NDST3: variants seen among roughly 807,000 people sequenced by gnomAD.
The protein encoded by NDST3 is N-deacetylase and N-sulfotransferase 3.
In NDST3, 58 loss-of-function variants were observed where a neutral mutation model predicts 96.1. That is an observed-to-expected ratio of 0.60 (90% CI 0.49 to 0.75). NDST3 has a LOEUF of 0.75. Ranked by LOEUF, NDST3 falls within the 30% of genes least tolerant of loss-of-function variation. The pLI is 0.00. For missense variants in NDST3, 788 were observed against 1,034.2 expected, an observed-to-expected ratio of 0.76 and a Z score of 3.27; for synonymous variants, 333 against 359.7, an observed-to-expected ratio of 0.93 and a Z score of 0.84.
intron 1 of NDST3, among the ~76,000 whole-genome samples, chr4:118,049,821 A>T (rs936591592): frequency 1.3e-5 from 2 of 152,048 alleles, no homozygotes; most frequent in Admixed American, 6.6e-5. Flanking sequence ...ATGAACTGGT[A>T]CCAATCCTAC....
intron 6 of NDST3, among the ~76,000 whole-genome samples, chr4:118,182,924 C>A (rs957822491): frequency 2.0e-5 from 3 of 151,900 alleles, no homozygotes; most frequent in Non-Finnish European, 4.4e-5. Context: ...TGTGATTCTG[C>A]TGTTTATGAT....
chr4:118,038,423 T>C (rs1724266459), intron 1 of NDST3, among the ~76,000 whole-genome samples: 1 of 152,212 alleles, frequency 6.6e-6, no homozygotes, highest in South Asian at 2.1e-4. Context: ...ATTTTCCATT[T>C]AATGTACCAA....
At chr4:118,242,536 C>G (rs1741072302) in intron 12 of NDST3, among the ~76,000 whole-genome samples, 1 of 152,188 alleles carries the variant, frequency 6.6e-6, no homozygotes, top group African/African-American at 2.4e-5. Flanking sequence ...TGACTCTTCT[C>G]TCATTTGTGT....
chr4:118,088,722 CACTTTCTA>C (rs1728631214), intron 2 of NDST3, among the ~76,000 whole-genome samples: 1 of 152,036 alleles, frequency 6.6e-6, no homozygotes, highest in Non-Finnish European at 1.5e-5. Context: ...TTCTAAAATA[CACTTTCTA>C]AGCCAGTGTG....
chr4:118,065,310 A>G lies in NDST3; in HGVS notation c.981+10419A>G, dbSNP rs1394668782. Among the ~76,000 whole-genome samples, 16 of 152,230 alleles carry G rather than the reference A, an allele frequency of 1.1e-4. No homozygotes were observed. In the East Asian group the frequency reaches 3.1e-3, roughly 29 times the overall value. On this transcript the variant is annotated intron_variant, in intron 2 of 13. Transcript: ENST00000296499. ...CTTGATGGCATATACATGCTCAAAC[A>G]ATTACTCTAGATCTCTGAGTCAACA...
At chr4:118,053,302 T>C (rs1339424834) in intron 1 of NDST3, among the ~76,000 whole-genome samples, 1 of 152,012 alleles carries the variant, frequency 6.6e-6, no homozygotes, top group Non-Finnish European at 1.5e-5. Flanking sequence ...TAAAATTGAC[T>C]GTGCCATCGA....
intron 8 of NDST3, among the ~76,000 whole-genome samples, chr4:118,230,912 GGTAGATTT>G (rs1740240701): frequency 6.6e-6 from 1 of 151,782 alleles, no homozygotes; most frequent in Non-Finnish European, 1.5e-5. Flanking sequence ...GTATAGATAT[GGTAGATTT>G]AAGTAAATAT....
At chr4:118,211,448 T>A (rs1312711769) in intron 6 of NDST3, among the ~76,000 whole-genome samples, 3 of 152,174 alleles carry the variant, frequency 2.0e-5, no homozygotes, top group Non-Finnish European at 4.4e-5. Context: ...TTTCTAAGAA[T>A]GAAATAAAAA....
rs2126019451 is a variant in NDST3, at chr4:118,257,293, C to G, written c.*1581C>G. 1 of 152,258 alleles carries G rather than the reference C, an allele frequency of 6.6e-6. No homozygotes were observed. Among genetic ancestry groups the G allele is most frequent in the South Asian group, 2.1e-4 (1 of 4,812 alleles). The allele number at this position is 152,258 out of a possible 1,614,324, so 9.4% of individuals were successfully genotyped here. On this transcript the variant is annotated 3_prime_UTR_variant, in exon 14 of 14. Transcript: ENST00000296499. ...AGCTGGGATTACAGCCATGCACCACCACGCCCGGGTAATTTTTGTATTTTT... is the reference window on the plus strand; with the variant it reads ...AGCTGGGATTACAGCCATGCACCACGACGCCCGGGTAATTTTTGTATTTTT...
At chr4:118,153,113 A>G (rs368486740) in intron 6 of NDST3, among the ~76,000 whole-genome samples, 5 of 152,224 alleles carry the variant, frequency 3.3e-5, no homozygotes, top group Non-Finnish European at 7.3e-5. Flanking sequence ...AACAGTCATT[A>G]TGGTTTCTAG....
Position 118,066,635 on chromosome 4 carries a change from A to G in NDST3, c.981+11744A>G, listed in dbSNP as rs1382774847. Among the ~76,000 whole-genome samples, 199 of 26,580 alleles carry G rather than the reference A, an allele frequency of 7.5e-3. 82 individuals carry two copies. Among genetic ancestry groups the G allele is most frequent in the African/African-American group, 0.023 (195 of 8,406 alleles). The allele number at this position is 26,580 out of a possible 152,430, so 17.4% of individuals were successfully genotyped here. A position where few individuals can be genotyped will look rare whatever the true frequency, so the allele number is the denominator to read the frequency against. ...ATATATAACATGTTATATATTATAT[A>G]TACATTATATATAACATGTTATATA... On this transcript the variant is annotated intron_variant, in intron 2 of 13. Transcript: ENST00000296499.
At chr4:118,190,325 T>TA (rs919261584) in intron 6 of NDST3, among the ~76,000 whole-genome samples, 1 of 152,082 alleles carries the variant, frequency 6.6e-6, no homozygotes, top group Non-Finnish European at 1.5e-5. Context: ...CTGTACAATA[T>TA]AAAAAAAGTC....
chr4:118,060,925 A>G lies in NDST3; in HGVS notation c.981+6034A>G, dbSNP rs62326075. Among the ~76,000 whole-genome samples the G allele has an allele frequency of 1.6e-3, 249 of 152,160 alleles. 1 individual carries two copies. The highest frequency in any genetic ancestry group is 0.01 in the Middle Eastern group (3 of 294). On this transcript the variant is annotated intron_variant, in intron 2 of 13. Transcript: ENST00000296499. ...AGGCACTGTTGTTTTTACTACCATC[A>G]AAGTTTTATTAGATTTGCCAGATTT...
intron 2 of NDST3, among the ~76,000 whole-genome samples, chr4:118,069,234 G>C (rs1053870871): frequency 1.3e-5 from 2 of 152,048 alleles, no homozygotes; most frequent in African/African-American, 4.8e-5. Context: ...TCCTAAAGGG[G>C]AAGGAACAGA....
chr4:118,067,529 T>C (rs1247627714), intron 2 of NDST3, among the ~76,000 whole-genome samples: 1 of 152,116 alleles, frequency 6.6e-6, no homozygotes. Flanking sequence ...GCATTGTCAT[T>C]TGCACTTTGC....
At chr4:118,200,196 G>C (rs928565497) in intron 6 of NDST3, among the ~76,000 whole-genome samples, 6 of 152,224 alleles carry the variant, frequency 3.9e-5, no homozygotes, top group Non-Finnish European at 8.8e-5. Context: ...CCAGAAACTA[G>C]AGTCAAAAAT....
intron 6 of NDST3, among the ~76,000 whole-genome samples, chr4:118,195,350 T>C (rs1419658094): frequency 6.6e-6 from 1 of 152,218 alleles, no homozygotes; most frequent in Non-Finnish European, 1.5e-5. Flanking sequence ...TCCCCCATAC[T>C]GTTCTCATGG....
chr4:118,066,874 C>T (rs6842524), intron 2 of NDST3, among the ~76,000 whole-genome samples: 1 of 2,926 alleles, frequency 3.4e-4, no homozygotes, highest in Admixed American at 0.02. Flanking sequence ...TTATATATAA[C>T]ATGTTATATA....
chr4:118,200,851 T>A (rs1016247054), intron 6 of NDST3, among the ~76,000 whole-genome samples: 2 of 152,136 alleles, frequency 1.3e-5, no homozygotes, highest in Non-Finnish European at 2.9e-5. Context: ...ATAGGAATAT[T>A]GTATGATGCT....
Sources: allele counts gnomAD v4.1 joint callset (sites outside exome capture counted in the v4.1 genomes callset), GRCh38; gene constraint gnomAD v4.1.1; transcripts MANE v1.5; gene names NCBI Gene and HGNC (gene_info 2026-07-23, HGNC 2026-07-21).